The following CCDC181 variants were observed in gnomAD, a reference collection of about 807,000 sequenced individuals.
CCDC181 encodes coiled-coil domain-containing protein 181.
In CCDC181, 35 loss-of-function variants were observed where a neutral mutation model predicts 58.7. The observed-to-expected ratio is 0.60, with a 90% CI of 0.46 to 0.79. The LOEUF is 0.79. Ranked by LOEUF, CCDC181 falls within the 30% of genes least tolerant of loss-of-function variation. The pLI, the probability that CCDC181 is intolerant of heterozygous loss-of-function variation, is 0.00. For synonymous variants in CCDC181, 183 were observed against 197.5 expected (o/e 0.93, Z 0.62); for missense variants, 517 against 583.9 (o/e 0.89, Z 1.18).
intron 4 of CCDC181, among the ~76,000 whole-genome samples, chr1:169,406,181 T>A (rs947658333): frequency 6.6e-6 from 1 of 152,128 alleles, no homozygotes; most frequent in African/African-American, 2.4e-5. Flanking sequence ...AAATAGGAAC[T>A]CTTTTACAGT....
chr1:169,395,070 G>A lies in CCDC181; in HGVS notation c.1507C>T (p.Arg503Cys), dbSNP rs200050773. 53 of 1,598,790 alleles carry A rather than the reference G, an allele frequency of 3.3e-5. No individual in the cohort carries two copies. Among genetic ancestry groups the A allele is most frequent in the Non-Finnish European group, 4.0e-5 (47 of 1,174,630 alleles). The change falls in exon 6 of 6, where the codon CGT (arginine) becomes TGT (cysteine). Residue 503 changes from arginine (R) to cysteine (C), a missense_variant. Coordinates refer to ENST00000367806, the MANE Select transcript of CCDC181 (RefSeq NM_001300969.2). ...TTTCAGTTATAATGATCAGTAAAAC[G>A]AAAAGGTTTGGCTTCTGACATATAT... ...HLYMSEAKPF[R>C]FTDHYN
chr1:169,413,126 T>C (rs1356984291), intron 4 of CCDC181, among the ~76,000 whole-genome samples: 2 of 152,008 alleles, frequency 1.3e-5, no homozygotes, highest in Non-Finnish European at 2.9e-5. Flanking sequence ...ATCTATCCAC[T>C]AGACAAAGGG....
At chr1:169,409,100 G>A (rs1238064994) in intron 4 of CCDC181, among the ~76,000 whole-genome samples, 1 of 152,162 alleles carries the variant, frequency 6.6e-6, no homozygotes, top group Admixed American at 6.5e-5. Context: ...CTGAGCTAAA[G>A]GAGCATGTTC....
chr1:169,432,579 A>C (rs1454335005), intron 2 of CCDC181, among the ~76,000 whole-genome samples: 1 of 152,162 alleles, frequency 6.6e-6, no homozygotes, highest in Non-Finnish European at 1.5e-5. Context: ...GAAGCAACTC[A>C]TCACATGCAA....
intron 4 of CCDC181, among the ~76,000 whole-genome samples, chr1:169,404,360 AAG>A (rs1222661084): frequency 6.6e-6 from 1 of 152,198 alleles, no homozygotes; most frequent in African/African-American, 2.4e-5. Context: ...ACAACAAAAA[AAG>A]AGAATTTTTG....
intron 2 of CCDC181, 108 bp from the exon 3 acceptor site, chr1:169,422,421 T>A: frequency 1.3e-6 from 1 of 766,784 alleles, no homozygotes. Flanking sequence ...ATGGGAAAAT[T>A]TAAGTGTTTA....
intron 3 of CCDC181, 26 bp downstream of exon 3, chr1:169,421,337 A>T: frequency 6.6e-7 from 1 of 1,511,934 alleles, no homozygotes; most frequent in Non-Finnish European, 9.0e-7. Context: ...CTCTACTTTT[A>T]ATATAATGCC....
At chr1:169,401,011 T>G (rs1655313453) in intron 4 of CCDC181, among the ~76,000 whole-genome samples, 1 of 152,204 alleles carries the variant, frequency 6.6e-6, no homozygotes, top group African/African-American at 2.4e-5. Context: ...ATCCCGCACC[T>G]GGCTCAGAGG....
chr1:169,442,554 A>G (rs989034364), intron 2 of CCDC181: 2 of 152,130 alleles, frequency 1.3e-5, no homozygotes, highest in African/African-American at 4.8e-5. Flanking sequence ...GAGATGTTTT[A>G]AGTAGATTAC....
intron 2 of CCDC181, among the ~76,000 whole-genome samples, chr1:169,438,898 G>T (rs1657128325): frequency 6.6e-6 from 1 of 152,170 alleles, no homozygotes; most frequent in African/African-American, 2.4e-5. Context: ...CAGACAGAAG[G>T]ATTCCAAATC....
intron 4 of CCDC181, among the ~76,000 whole-genome samples, chr1:169,402,056 G>A (rs1162981888): frequency 1.3e-5 from 2 of 152,192 alleles, no homozygotes; most frequent in East Asian, 3.8e-4. Flanking sequence ...AAGGGTATCT[G>A]TGATTGAAGA....
At chr1:169,419,990 G>A (rs1192990868) in intron 3 of CCDC181, among the ~76,000 whole-genome samples, 8 of 152,116 alleles carry the variant, frequency 5.3e-5, no homozygotes, top group Admixed American at 5.2e-4. Flanking sequence ...GTTAGTTATA[G>A]GATACAATAA....
rs533744439 is a variant in CCDC181 at position 169,408,401 on chromosome 1, G to T, written c.1215+10612C>A. 1.3e-4 allele frequency among the ~76,000 whole-genome samples: 20 copies of T among 152,332 alleles called. No individual in the cohort carries two copies. In the South Asian group the frequency reaches 3.7e-3, roughly 28 times the overall value. On this transcript the variant is annotated intron_variant, in intron 4 of 5. Coordinates refer to ENST00000367806, the MANE Select transcript of CCDC181 (RefSeq NM_001300969.2). Reference sequence around the variant, plus strand: ...AAGAAAGGCAGCAGCCCCAGTCAGGGGCTTATAGATAAAACTCCCATCACC... The same window carrying T: ...AAGAAAGGCAGCAGCCCCAGTCAGGTGCTTATAGATAAAACTCCCATCACC...
At chr1:169,443,185 C>T (rs553711196) in intron 2 of CCDC181, 2 of 151,890 alleles carry the variant, frequency 1.3e-5, no homozygotes, top group Non-Finnish European at 2.9e-5. Flanking sequence ...CCACTTCTAG[C>T]TTGTATTCCA....
intron 4 of CCDC181, among the ~76,000 whole-genome samples, chr1:169,398,850 G>A (rs1655193537): frequency 6.6e-6 from 1 of 152,222 alleles, no homozygotes; most frequent in Non-Finnish European, 1.5e-5. Context: ...GAAAATATGG[G>A]AAGGAGGGTA....
At chr1:169,441,055 A>T (rs1657215036) in intron 2 of CCDC181, among the ~76,000 whole-genome samples, 1 of 152,182 alleles carries the variant, frequency 6.6e-6, no homozygotes, top group Non-Finnish European at 1.5e-5. Flanking sequence ...TCTGTGAACA[A>T]AAGTTTCCAT....
At chr1:169,436,364 G>C (rs1234584338) in intron 2 of CCDC181, among the ~76,000 whole-genome samples, 1 of 152,092 alleles carries the variant, frequency 6.6e-6, no homozygotes, top group East Asian at 1.9e-4. Flanking sequence ...TATTTCAGAG[G>C]CTACCATGCA....
chr1:169,421,773 C>G lies in CCDC181; in HGVS notation c.658G>C (p.Glu220Gln). The G allele has an allele frequency of 6.2e-7, 1 of 1,614,162 alleles. No individual in the cohort carries two copies. Among genetic ancestry groups the G allele is most frequent in the Non-Finnish European group, 8.5e-7 (1 of 1,180,034 alleles). The change falls in exon 3 of 6, where the codon GAG becomes CAG. Residue 220 changes from glutamate to glutamine, a missense_variant. Glu to Gln is a conservative substitution (Grantham distance 29). Coordinates refer to ENST00000367806, the MANE Select transcript of CCDC181 (RefSeq NM_001300969.2). ...AGAAGTTCAAATTTTCCATCTCTCTCTACCAGTATTGTCCTATCCTTGTTT... is the reference window on the plus strand; with the variant it reads ...AGAAGTTCAAATTTTCCATCTCTCTGTACCAGTATTGTCCTATCCTTGTTT... ...EENKDRTILV[E>Q]RDGKFELLNL... is the part of the protein sequence containing the mutation.
rs1214328764 is a variant in CCDC181, at chr1:169,421,554, G to A, written c.877C>T (p.Gln293Ter). ...STGEPLAYIA[Q>*]PPLNRKTCPS... ...CAAGTCTTGCGGTTGAGTGGTGGCTGAGCGATATAAGCCAGCGGCTCTCCT... is the reference window on the plus strand; with the variant it reads ...CAAGTCTTGCGGTTGAGTGGTGGCTAAGCGATATAAGCCAGCGGCTCTCCT... Residue 293 changes from glutamine (Q) to a stop codon, truncating the protein, a stop_gained, in exon 3 of 6, where the codon CAG becomes TAG. Transcript: ENST00000367806. LOFTEE classifies it high-confidence loss of function. 1.2e-6 allele frequency: 2 copies of A among 1,614,128 alleles called. No homozygotes were observed. Among genetic ancestry groups the A allele is most frequent in the South Asian group, 1.1e-5 (1 of 91,082 alleles).
Sources: gnomAD v4.1 joint callset for allele counts (sites outside exome capture counted in the v4.1 genomes callset) on GRCh38, gnomAD v4.1.1 for gene constraint, MANE v1.5 for transcripts, NCBI Gene and HGNC (gene_info 2026-07-23, HGNC 2026-07-21) for gene names.